The following JAM3 variants were observed in gnomAD, a reference collection of about 807,000 sequenced individuals.
The protein encoded by JAM3 is junctional adhesion molecule 3.
Under a neutral mutation model 39.4 loss-of-function variants are expected in JAM3, and 31 were observed. The observed-to-expected ratio is 0.79, with a 90% CI of 0.59 to 1.06. The LOEUF (loss-of-function observed/expected upper bound fraction) is 1.06. JAM3 is among the 50% of genes least tolerant of loss of function. The probability of loss-of-function intolerance (pLI) is 0.00; values close to 1 mark genes in which losing one functional copy is unlikely to be tolerated. For synonymous variants in JAM3, 182 were observed against 148.7 expected (o/e 1.22, Z -1.63); for missense variants, 455 against 391.4 (o/e 1.16, Z -1.37).
At chr11:134,127,663 G>T (rs1465905289) in intron 1 of JAM3, among the ~76,000 whole-genome samples, 2 of 152,234 alleles carry the variant, frequency 1.3e-5, no homozygotes, top group Admixed American at 1.3e-4. Flanking sequence ...TTATGCCACT[G>T]CATTGCAGTC....
At chr11:134,121,873 A>G (rs193302562) in intron 1 of JAM3, among the ~76,000 whole-genome samples, 41 of 152,146 alleles carry the variant, frequency 2.7e-4, no homozygotes, top group African/African-American at 9.6e-4. Flanking sequence ...AACAAAATTC[A>G]GAGTGTGTCA....
chr11:134,109,849 AT>A, intron 1 of JAM3, among the ~76,000 whole-genome samples: 1 of 152,348 alleles, frequency 6.6e-6, no homozygotes, highest in Non-Finnish European at 1.5e-5. Flanking sequence ...ACCTGGGGAG[AT>A]ACTGAACCTT....
intron 1 of JAM3, among the ~76,000 whole-genome samples, chr11:134,098,291 G>A (rs773613707): frequency 6.6e-6 from 1 of 152,114 alleles, no homozygotes; most frequent in Non-Finnish European, 1.5e-5. Flanking sequence ...CTTCAGAGAG[G>A]AAAACTAAGA....
At chr11:134,088,552 T>TAA (rs1411342187) in intron 1 of JAM3, among the ~76,000 whole-genome samples, 12 of 152,214 alleles carry the variant, frequency 7.9e-5, no homozygotes, top group Non-Finnish European at 1.8e-4. Flanking sequence ...TCTATATACT[T>TAA]AAGTTGTACA....
At chr11:134,109,937 C>G in intron 1 of JAM3, among the ~76,000 whole-genome samples, 1 of 152,144 alleles carries the variant, frequency 6.6e-6, no homozygotes, top group Non-Finnish European at 1.5e-5. Context: ...TAGTTTTTTC[C>G]TTTTGGCAGA....
chr11:134,118,156 G>T (rs1341401085), intron 1 of JAM3, among the ~76,000 whole-genome samples: 5 of 152,186 alleles, frequency 3.3e-5, no homozygotes, highest in Non-Finnish European at 7.3e-5. Flanking sequence ...ACAAGAATAT[G>T]CCTTGACACA....
chr11:134,120,011 A>C (rs1942503870), intron 1 of JAM3, among the ~76,000 whole-genome samples: 1 of 152,162 alleles, frequency 6.6e-6, no homozygotes, highest in Admixed American at 6.5e-5. Flanking sequence ...TGGGTCTGTA[A>C]AATGCTGATA....
chr11:134,114,966 T>G (rs1269962725), intron 1 of JAM3, among the ~76,000 whole-genome samples: 3 of 152,236 alleles, frequency 2.0e-5, no homozygotes, highest in Non-Finnish European at 4.4e-5. Context: ...ATCCTATGGA[T>G]TTGTTTATTT....
chr11:134,123,652 TAGAG>T (rs958763417), intron 1 of JAM3, among the ~76,000 whole-genome samples: 1 of 152,252 alleles, frequency 6.6e-6, no homozygotes, highest in Non-Finnish European at 1.5e-5. Context: ...ATTCATTTTA[TAGAG>T]AGATTTCTTT....
intron 1 of JAM3, among the ~76,000 whole-genome samples, chr11:134,122,319 G>A (rs1942549398): frequency 6.6e-6 from 1 of 152,176 alleles, no homozygotes; most frequent in Non-Finnish European, 1.5e-5. Context: ...TGTATTCAGA[G>A]CCTTAGAAGC....
At chr11:134,073,357 A>G (rs1237479387) in intron 1 of JAM3, among the ~76,000 whole-genome samples, 2 of 152,242 alleles carry the variant, frequency 1.3e-5, no homozygotes, top group African/African-American at 4.8e-5. Context: ...ACATCAAACT[A>G]TTTAATAGAG....
At chr11:134,108,681 C>T (rs555104105) in intron 1 of JAM3, among the ~76,000 whole-genome samples, 15 of 152,088 alleles carry the variant, frequency 9.9e-5, no homozygotes, top group Non-Finnish European at 1.3e-4. Context: ...ATTATAATAA[C>T]GCAATATCAC....
At chr11:134,129,276 C>T (rs940774649) in intron 1 of JAM3, among the ~76,000 whole-genome samples, 9 of 152,092 alleles carry the variant, frequency 5.9e-5, no homozygotes, top group Non-Finnish European at 1.2e-4. Context: ...GCCACCATGC[C>T]TGGCTAATTT....
At chr11:134,105,324 C>A (rs914341667) in intron 1 of JAM3, among the ~76,000 whole-genome samples, 1 of 152,136 alleles carries the variant, frequency 6.6e-6, no homozygotes, top group African/African-American at 2.4e-5. Context: ...TAAAAACTCT[C>A]AATAAATTAG....
At chr11:134,088,120 GTGC>G (rs1194803068) in intron 1 of JAM3, among the ~76,000 whole-genome samples, 2 of 152,180 alleles carry the variant, frequency 1.3e-5, no homozygotes, top group Non-Finnish European at 2.9e-5. Flanking sequence ...TCACTGTTAA[GTGC>G]TGGGACCAGG....
intron 1 of JAM3, among the ~76,000 whole-genome samples, chr11:134,132,101 T>C (rs1942780776): frequency 6.6e-6 from 1 of 152,168 alleles, no homozygotes; most frequent in African/African-American, 2.4e-5. Flanking sequence ...CACTAGACTC[T>C]AAGTAGAATC....
chr11:134,144,769 A>C (rs1013337803), intron 4 of JAM3, 23 bp from the exon 5 acceptor site: 7 of 1,565,402 alleles, frequency 4.5e-6, no homozygotes, highest in Middle Eastern at 1.7e-4. Context: ...GAGATCTTAA[A>C]CACCACCCCT....
At chr11:134,080,237 G>A (rs1030323228) in intron 1 of JAM3, among the ~76,000 whole-genome samples, 1 of 152,212 alleles carries the variant, frequency 6.6e-6, no homozygotes, top group African/African-American at 2.4e-5. Context: ...AGCAGTAGCT[G>A]AGTAAAGAAA....
intron 1 of JAM3, among the ~76,000 whole-genome samples, chr11:134,118,978 T>TC (rs1018645248): frequency 3.3e-5 from 5 of 151,932 alleles, no homozygotes; most frequent in Non-Finnish European, 7.4e-5. Context: ...TCTTTTTTTT[T>TC]TTTTTTTGAT....
Sources: allele counts gnomAD v4.1 joint callset (sites outside exome capture counted in the v4.1 genomes callset), GRCh38; gene constraint gnomAD v4.1.1; transcripts MANE v1.5; gene names NCBI Gene and HGNC (gene_info 2026-07-23, HGNC 2026-07-21).